NUDT6: variants seen among roughly 807,000 people sequenced by gnomAD.
NUDT6 encodes FAD diphosphatase NUDT6.
Under a neutral mutation model 36.8 loss-of-function variants are expected in NUDT6, and 24 were observed. That is an observed-to-expected ratio of 0.65 (90% confidence interval 0.47 to 0.92). The LOEUF (loss-of-function observed/expected upper bound fraction) is 0.92. NUDT6 is among the 40% of genes least tolerant of loss of function. The probability of loss-of-function intolerance (pLI) is 0.00; values close to 1 mark genes in which losing one functional copy is unlikely to be tolerated. For missense variants in NUDT6, 388 were observed against 392.8 expected, an observed-to-expected ratio of 0.99 and a Z score of 0.10; for synonymous variants, 163 against 157.0, an observed-to-expected ratio of 1.04 and a Z score of -0.29.
chr4:122,911,540 G>A (rs1263372386), intron 3 of NUDT6, among the ~76,000 whole-genome samples: 1 of 152,164 alleles, frequency 6.6e-6, no homozygotes, highest in South Asian at 2.1e-4. Flanking sequence ...AGCTTAATTT[G>A]AATCAGAGAT....
chr4:122,894,706 C>T (rs1727297962), intron 4 of NUDT6: 2 of 152,056 alleles, frequency 1.3e-5, no homozygotes, highest in African/African-American at 4.8e-5. Context: ...AAAATATCCC[C>T]TAACATGTTT....
chr4:122,896,314 C>T (rs1239322970), intron 4 of NUDT6: 1 of 152,322 alleles, frequency 6.6e-6, no homozygotes, highest in Non-Finnish European at 1.5e-5. Context: ...ATTACATCTA[C>T]AAGTAAGTAC....
rs369925393 is a variant in NUDT6, at chr4:122,922,593, C to T, written c.-21G>A. 30 of 1,579,814 alleles carry T rather than the reference C, an allele frequency of 1.9e-5. No individual in the cohort carries two copies. The highest frequency in any genetic ancestry group is 1.3e-4 in the East Asian group (6 of 44,618). ...CGCATCTCCACGCCGCTTAATTCGT[C>T]CGTTGCCCAAATGACCCCTCCGCGC... On this transcript the variant is annotated 5_prime_UTR_variant, in exon 1 of 5. Transcript: ENST00000304430.
At chr4:122,899,892 A>T (rs1054046690) in intron 3 of NUDT6, among the ~76,000 whole-genome samples, 2 of 152,272 alleles carry the variant, frequency 1.3e-5, no homozygotes, top group East Asian at 1.9e-4. Flanking sequence ...GATCACAGAT[A>T]TCCAATGAAA....
rs1018936465 is a variant in NUDT6 at position 122,922,466 on chromosome 4, A to C, written c.107T>G (p.Val36Gly). Residue 36 changes from valine (V) to glycine (G), a missense_variant, in exon 1 of 5, where the codon GTG (valine) becomes GGG (glycine). Coordinates refer to ENST00000304430, the MANE Select transcript of NUDT6 (RefSeq NM_007083.5). ...YRWASGAQGY[V>G]RNPPVGACDL... ...GCACGCTCCAACTGGCGGATTCCGC[A>C]CGTAACCCTGTGCGCCCGAGGCCCA... is the stretch of plus-strand genomic sequence containing the variant. The C allele has an allele frequency of 1.9e-6, 3 of 1,611,830 alleles. No individual in the cohort carries two copies. The highest frequency in any genetic ancestry group is 2.5e-6 in the Non-Finnish European group (3 of 1,179,818).
intron 4 of NUDT6, chr4:122,893,986 C>T (rs529453831): frequency 2.0e-5 from 3 of 152,146 alleles, no homozygotes; most frequent in Admixed American, 6.5e-5. Context: ...TCTTGTTTGT[C>T]AAATAGTAAA....
chr4:122,892,703 C>A lies in NUDT6; in HGVS notation c.*125G>T. On this transcript the variant is annotated 3_prime_UTR_variant, in exon 5 of 5. Coordinates refer to ENST00000304430, the MANE Select transcript of NUDT6 (RefSeq NM_007083.5). ...CTTTTAAAATGTGCATGTTTAGAAA[C>A]AAAATTTCTTCATGGAAATCATATA... 7.4e-7 allele frequency: 1 copy of A among 1,353,690 alleles called. No homozygotes were observed. Among genetic ancestry groups the A allele is most frequent in the Non-Finnish European group, 9.8e-7 (1 of 1,019,794 alleles). 83.9% of individuals were successfully genotyped at this position (1,353,690 alleles called of 1,614,324 possible).
At chr4:122,913,755 C>T (rs58473216) in intron 2 of NUDT6, among the ~76,000 whole-genome samples, 24,279 of 151,800 alleles carry the variant, frequency 0.16, 2,458 homozygotes, top group East Asian at 0.45. Flanking sequence ...ATTCATCATA[C>T]ACATTGCATA....
intron 3 of NUDT6, among the ~76,000 whole-genome samples, chr4:122,903,824 T>G (rs1727568887): frequency 3.9e-5 from 6 of 152,166 alleles, no homozygotes; most frequent in Admixed American, 3.9e-4. Context: ...AGTTTGAAGT[T>G]TTCCTAACAT....
At chr4:122,898,039 T>C in intron 3 of NUDT6, 1 of 180,510 alleles carries the variant, frequency 5.5e-6, no homozygotes, top group Non-Finnish European at 1.2e-5. Context: ...TTACAGATGC[T>C]GCTATAAATA....
chr4:122,922,045 TGGTG>T, intron 1 of NUDT6: 1 of 365,534 alleles, frequency 2.7e-6, no homozygotes, highest in East Asian at 4.1e-5. Context: ...GAAGAGGAAA[TGGTG>T]GTTTACGGCA....
At chr4:122,899,300 T>C (rs1727461486) in intron 3 of NUDT6, among the ~76,000 whole-genome samples, 1 of 152,078 alleles carries the variant, frequency 6.6e-6, no homozygotes, top group South Asian at 2.1e-4. Context: ...TAATTAAATC[T>C]GGAGATGAAC....
Position 122,897,467 on chromosome 4 carries a change from CTAA to C in NUDT6, c.553+154_553+156del. 1.2e-5 allele frequency: 8 copies of C among 649,170 alleles called. No homozygotes were observed. In the South Asian group the frequency reaches 1.4e-4, roughly 12 times the overall value. The allele number at this position is 649,170 out of a possible 1,614,324, so 40.2% of individuals were successfully genotyped here. On this transcript the variant is annotated intron_variant, in intron 4 of 4. Transcript: ENST00000304430. ...AACTGTAATATTAGAAATTATGCTG[CTAA>C]TTATATCAGCTCTGAGGTAATTTCT...
At position 122,892,899 on chromosome 4, in the gene NUDT6, T is replaced by G. The variant is rs535779044; in HGVS notation, c.880A>C (p.Thr294Pro). Reference protein sequence around the residue: ...LTVEELPAVYTGLFYKLYHKE... With the variant: ...LTVEELPAVYPGLFYKLYHKE... ...TGATAGAGTTTATAAAACAGTCCTG[T>G]GTAAACTGCTGGAAGTTCTTCCACA... is the stretch of plus-strand genomic sequence containing the variant. The change falls in exon 5 of 5, where the codon ACA (threonine) becomes CCA (proline). Residue 294 changes from threonine (T) to proline (P), a missense_variant. Thr to Pro is a conservative substitution (Grantham distance 38, BLOSUM62 -1). Coordinates refer to ENST00000304430, the MANE Select transcript of NUDT6 (RefSeq NM_007083.5). 6.2e-6 allele frequency: 10 copies of G among 1,613,998 alleles called. No individual in the cohort carries two copies. In the South Asian group the frequency reaches 9.9e-5, roughly 16 times the overall value.
At chr4:122,915,827 G>T (rs192986369) in intron 2 of NUDT6, among the ~76,000 whole-genome samples, 1 of 152,146 alleles carries the variant, frequency 6.6e-6, no homozygotes, top group Non-Finnish European at 1.5e-5. Flanking sequence ...AGAATCTTTT[G>T]AAATAGAGCT....
chr4:122,917,572 G>T lies in NUDT6; in HGVS notation c.371C>A (p.Thr124Lys). The T allele has an allele frequency of 6.2e-7, 1 of 1,614,190 alleles. No homozygotes were observed. Among genetic ancestry groups the T allele is most frequent in the Non-Finnish European group, 8.5e-7 (1 of 1,180,034 alleles). The change falls in exon 2 of 5, where the codon ACG becomes AAG. Residue 124 changes from threonine (T) to lysine (K), a missense_variant. By Grantham distance (78) the Thr-to-Lys change is moderately conservative (BLOSUM62 -1). Coordinates refer to ENST00000304430, the MANE Select transcript of NUDT6 (RefSeq NM_007083.5). ...CCCTTCTCTCAGCCACAGAGTCAAC[G>T]TTGATGAATCCGATTCTGCGTGGTG... ...CFHHAESDSS[T>K]LTLWLREGPS... is the part of the protein sequence containing the mutation.
chr4:122,898,410 A>G (rs935928617), intron 3 of NUDT6, among the ~76,000 whole-genome samples: 2 of 152,186 alleles, frequency 1.3e-5, no homozygotes, highest in Non-Finnish European at 2.9e-5. Context: ...TCTTCCTGTT[A>G]GAGTTCTATC....
In NUDT6 at chr4:122,903,510, C is replaced by T. The variant is rs909474019; in HGVS notation, c.499-5832G>A. Among the ~76,000 whole-genome samples the T allele has an allele frequency of 8.5e-5, 13 of 152,322 alleles. No individual in the cohort carries two copies. The East Asian group carries it at 2.5e-3, about 29-fold the overall frequency. ...TTATCCTCTAGAGCTTCAGATTCTA[C>T]AGATCTGGGGTGGGGCCTGAGAATT... On this transcript the variant is annotated intron_variant, in intron 3 of 4. Transcript: ENST00000304430.
At position 122,922,596 on chromosome 4, in the gene NUDT6, T is replaced by C. The variant is rs759313408; in HGVS notation, c.-24A>G. Reference sequence around the variant, plus strand: ...ATCTCCACGCCGCTTAATTCGTCCGTTGCCCAAATGACCCCTCCGCGCTCC... The same window carrying C: ...ATCTCCACGCCGCTTAATTCGTCCGCTGCCCAAATGACCCCTCCGCGCTCC... On this transcript the variant is annotated 5_prime_UTR_variant, in exon 1 of 5. Transcript: ENST00000304430. 3.8e-6 allele frequency: 6 copies of C among 1,574,944 alleles called. No homozygotes were observed. The highest frequency in any genetic ancestry group is 1.9e-4 in the Middle Eastern group (1 of 5,166).
Sources: gnomAD v4.1 joint callset for allele counts (sites outside exome capture counted in the v4.1 genomes callset) on GRCh38, gnomAD v4.1.1 for gene constraint, MANE v1.5 for transcripts, NCBI Gene and HGNC (gene_info 2026-07-23, HGNC 2026-07-21) for gene names.